The following NLRP11 variants were observed in gnomAD, a reference collection of about 807,000 sequenced individuals.
NLRP11 encodes NLR family pyrin domain containing 11.
A neutral mutation model predicts 79.3 loss-of-function variants in NLRP11; 53 were observed. The ratio of observed to expected loss-of-function variants is 0.67; its 90% CI spans 0.54 to 0.84. The LOEUF (loss-of-function observed/expected upper bound fraction) is 0.84, where lower values mean the gene tolerates loss of function less well. Among genes scored for constraint, NLRP11 ranks in the 40% least tolerant of loss-of-function variants. NLRP11 has a pLI of 0.00. For synonymous variants in NLRP11, 518 were observed against 462.6 expected (o/e 1.12, Z -1.54); for missense variants, 1,264 against 1,255.0 (o/e 1.01, Z -0.11).
chr19:55,796,413 C>T (rs1230978458), intron 5 of NLRP11, among the ~76,000 whole-genome samples, 163 bp from the exon 6 acceptor site: 1 of 152,054 alleles, frequency 6.6e-6, no homozygotes, highest in Non-Finnish European at 1.5e-5. Context: ...TATGCCACTC[C>T]TCAGAGTTCA....
intron 2 of NLRP11, among the ~76,000 whole-genome samples, chr19:55,812,831 C>T (rs1394060147): frequency 2.6e-5 from 4 of 152,096 alleles, no homozygotes; most frequent in Non-Finnish European, 5.9e-5. Context: ...CAGTCCATTT[C>T]TCCCTTGTCA....
In NLRP11 at chr19:55,809,674, G is replaced by GAA; in HGVS notation, c.934_935dup (p.Phe313SerfsTer38). On this transcript the variant is annotated frameshift_variant, in exon 3 of 10. Coordinates refer to ENST00000589093, the Ensembl canonical transcript of NLRP11. LOFTEE classifies it high-confidence loss of function. This position sits in a 1 kb window ranked among gnomAD's most constrained non-coding sequence, Gnocchi z 4.5. ...CCGACGCCCTCTGGCGGTCTTTAAA[G>GAA]AAAGAGTTAAAATATATCTCCCTCT... 1 of 1,614,110 alleles carries GAA rather than the reference G, an allele frequency of 6.2e-7. No homozygotes were observed. Among genetic ancestry groups the GAA allele is most frequent in the Non-Finnish European group, 8.5e-7 (1 of 1,179,986 alleles).
At chr19:55,794,666 A>T (rs2122734566) in intron 6 of NLRP11, among the ~76,000 whole-genome samples, 1 of 152,266 alleles carries the variant, frequency 6.6e-6, no homozygotes, top group Non-Finnish European at 1.5e-5. Flanking sequence ...AGGCTGAGGC[A>T]GGAGAATGGC....
chr19:55,823,163 C>T (rs1332196087), intron 1 of NLRP11, among the ~76,000 whole-genome samples: 1 of 146,480 alleles, frequency 6.8e-6, no homozygotes, highest in African/African-American at 2.6e-5. Flanking sequence ...ACTGACACCT[C>T]ACACGGCAGG....
intron 4 of NLRP11, among the ~76,000 whole-genome samples, chr19:55,803,911 G>A (rs778448711): frequency 7.9e-5 from 12 of 152,070 alleles, no homozygotes; most frequent in Non-Finnish European, 1.3e-4. Flanking sequence ...GTGAAACCCC[G>A]TCTCTACCAA....
intron 6 of NLRP11, among the ~76,000 whole-genome samples, chr19:55,794,793 C>G (rs1389672460): frequency 6.6e-6 from 1 of 151,800 alleles, no homozygotes. Context: ...ATACATAATG[C>G]GATATTACAT....
intron 1 of NLRP11, among the ~76,000 whole-genome samples, chr19:55,831,343 C>T (rs1027173844): frequency 2.6e-5 from 4 of 151,734 alleles, no homozygotes; most frequent in Non-Finnish European, 4.4e-5. Context: ...GGGCACATTA[C>T]TTGAGGTCAG....
chr19:55,816,777 T>C (rs932176085), intron 2 of NLRP11, among the ~76,000 whole-genome samples: 1 of 152,192 alleles, frequency 6.6e-6, no homozygotes, highest in Non-Finnish European at 1.5e-5. Context: ...GCTCAAGTAC[T>C]TTCTTTGAGT....
chr19:55,828,327 T>C (rs1054435161), intron 1 of NLRP11, among the ~76,000 whole-genome samples: 1 of 151,118 alleles, frequency 6.6e-6, no homozygotes, highest in Non-Finnish European at 1.5e-5. Flanking sequence ...GATGACAAGT[T>C]AGTGGGTGCA....
At chr19:55,807,759 A>G in intron 4 of NLRP11, 94 bp downstream of exon 4, 1 of 798,338 alleles carries the variant, frequency 1.3e-6, no homozygotes, top group Non-Finnish European at 2.0e-6. Flanking sequence ...CTGACCTGAA[A>G]GTGTGTTTTG....
upstream of NLRP11, among the ~76,000 whole-genome samples, chr19:55,835,840 G>A (rs1248781976): frequency 4.0e-5 from 6 of 149,622 alleles, no homozygotes; most frequent in African/African-American, 1.5e-4. Flanking sequence ...AAAATTAGCC[G>A]AGGCCAGGCA....
intron 6 of NLRP11, among the ~76,000 whole-genome samples, 197 bp downstream of exon 6, chr19:55,795,883 C>T (rs1184084645): frequency 6.6e-6 from 1 of 152,214 alleles, no homozygotes; most frequent in Non-Finnish European, 1.5e-5. Context: ...GAAAAAAAAT[C>T]CAGAAACATT....
At chr19:55,810,183 A>C in exon 3 of NLRP11, 5 of 1,614,156 alleles carry the variant, frequency 3.1e-6, no homozygotes, top group Non-Finnish European at 4.2e-6. Flanking sequence ...TTGTTTGCTG[A>C]ATAATAGCTG....
intron 1 of NLRP11, among the ~76,000 whole-genome samples, chr19:55,819,128 C>G (rs1418287702): frequency 1.9e-4 from 1 of 5,368 alleles, no homozygotes; most frequent in African/African-American, 3.4e-3. Context: ...GTATCGCCTA[C>G]ACACACACAC....
Position 55,809,025 on chromosome 19 carries a change from T to C in NLRP11, c.1585A>G (p.Met529Val), listed in dbSNP as rs530476729. The C allele has an allele frequency of 2.7e-5, 44 of 1,614,184 alleles. No homozygotes were observed. The highest frequency in any genetic ancestry group is 5.0e-5 in the Admixed American group (3 of 60,032). ...TCCGGGTCACGGTCCAAATGTTTCATGTATCCCACCGAGTACCACTTGAAG... is the reference window on the plus strand; with the variant it reads ...TCCGGGTCACGGTCCAAATGTTTCACGTATCCCACCGAGTACCACTTGAAG... Residue 529 changes from methionine to valine, a missense_variant, in exon 3 of 10, where the codon ATG becomes GTG. By Grantham distance (21) the Met-to-Val change is conservative (BLOSUM62 1). Transcript: ENST00000589093. The surrounding 1 kb of genome is among the most constrained non-coding windows in gnomAD (Gnocchi z 4.5).
chr19:55,822,651 C>T (rs1275908201), intron 1 of NLRP11, among the ~76,000 whole-genome samples: 2 of 150,502 alleles, frequency 1.3e-5, no homozygotes, highest in Non-Finnish European at 3.0e-5. Context: ...AAAGGGGTGA[C>T]GGACGCACCT....
intron 7 of NLRP11, 83 bp downstream of exon 7, chr19:55,792,218 A>G (rs2122721600): frequency 8.2e-7 from 1 of 1,213,160 alleles, no homozygotes; most frequent in Non-Finnish European, 1.2e-6. Flanking sequence ...CATCACTGGA[A>G]TCTTATCCCT....
At chr19:55,828,054 G>C (rs1054869837) in intron 1 of NLRP11, among the ~76,000 whole-genome samples, 1 of 149,220 alleles carries the variant, frequency 6.7e-6, no homozygotes, top group African/African-American at 2.5e-5. Flanking sequence ...AAGAAAATGT[G>C]GCACATATAC....
At position 55,808,876 on chromosome 19, in the gene NLRP11, C is replaced by G. The variant is rs1373437786; in HGVS notation, c.1734G>C (p.Met578Ile). Reference sequence around the variant, plus strand: ...AATCCAGACAGTATAATGAGACCATCATATCCTTGTCTGATTGAAGGTAAA... The same window carrying G: ...AATCCAGACAGTATAATGAGACCATGATATCCTTGTCTGATTGAAGGTAAA... Residue 578 changes from methionine (M) to isoleucine (I), a missense_variant, in exon 3 of 10, where the codon ATG becomes ATC. Met to Ile is a conservative substitution (Grantham distance 10, BLOSUM62 1). Transcript: ENST00000589093. The G allele has an allele frequency of 6.2e-7, 1 of 1,613,938 alleles. No homozygotes were observed. Among genetic ancestry groups the G allele is most frequent in the South Asian group, 1.1e-5 (1 of 91,082 alleles).
Sources: allele counts gnomAD v4.1 joint callset (sites outside exome capture counted in the v4.1 genomes callset), GRCh38; gene constraint gnomAD v4.1.1; non-coding constraint Gnocchi (gnomAD v3.1); transcripts MANE v1.5; gene names NCBI Gene and HGNC (gene_info 2026-07-23, HGNC 2026-07-21).